Variants in SLC28A1 observed in about 807,000 individuals in gnomAD.
SLC28A1 encodes sodium/nucleoside cotransporter 1.
In SLC28A1, 64 loss-of-function variants were observed where a neutral mutation model predicts 74.8. That is an observed-to-expected ratio of 0.86 (90% CI 0.70 to 1.05). SLC28A1 has a LOEUF of 1.05. Among genes scored for constraint, SLC28A1 ranks in the 50% least tolerant of loss-of-function variants. The pLI, the probability that SLC28A1 is intolerant of heterozygous loss-of-function variation, is 0.00. For missense variants in SLC28A1, 828 were observed against 822.8 expected, an observed-to-expected ratio of 1.01 and a Z score of -0.08; for synonymous variants, 359 against 335.0, an observed-to-expected ratio of 1.07 and a Z score of -0.78.
rs17222239 is a variant in SLC28A1 at position 84,895,143 on chromosome 15, C to T, written c.461+20C>T. The T allele has an allele frequency of 7.0e-3, 11,333 of 1,613,246 alleles. 339 individuals are homozygous for T. The African/African-American group carries it at 0.088, about 13-fold the overall frequency. On this transcript the variant is annotated intron_variant, in intron 6 of 18. Transcript: ENST00000394573. ...TAAGAGGTGAGTGAGCTCACAGCCC[C>T]GAGGCAGGGCAGGGGAGGGCCCATG...
chr15:84,885,046 C>T (rs528873130), intron 1 of SLC28A1, among the ~76,000 whole-genome samples: 123 of 152,244 alleles, frequency 8.1e-4, no homozygotes, highest in African/African-American at 2.6e-3. Flanking sequence ...GCAGCCTCCA[C>T]CTCTCGGGTT....
At chr15:84,901,871 G>T (rs1432310354) in intron 6 of SLC28A1, among the ~76,000 whole-genome samples, 1 of 152,162 alleles carries the variant, frequency 6.6e-6, no homozygotes, top group East Asian at 1.9e-4. Flanking sequence ...AGAAATAAAA[G>T]CATATATCCA....
the SLC28A1 span, chr15:84,975,511 C>CAA: frequency 2.2e-6 from 1 of 456,140 alleles, no homozygotes; most frequent in South Asian, 1.5e-5. Flanking sequence ...TTAGGATATT[C>CAA]AAAAGTACAC....
In SLC28A1 at chr15:84,935,308, G is replaced by A. The variant is rs147242035; in HGVS notation, c.1384-13G>A. 1.5e-5 allele frequency: 25 copies of A among 1,614,118 alleles called. No homozygotes were observed. The highest frequency in any genetic ancestry group is 7.7e-5 in the South Asian group (7 of 91,078). On this transcript the variant is annotated splice_polypyrimidine_tract_variant and intron_variant, in intron 14 of 18. Transcript: ENST00000394573. The stretch of plus-strand genomic sequence containing the variant: ...CCCAGCCCTCGGTGCCAGCCATACC[G>A]TTGTGCCCTCAGCTCATCTGCTCCT...
At chr15:84,963,841 C>G in the SLC28A1 span, among the ~76,000 whole-genome samples, 2 of 152,210 alleles carry the variant, frequency 1.3e-5, no homozygotes, top group African/African-American at 4.8e-5. Context: ...TATTTCACCT[C>G]TAGCCATTTC....
Position 84,945,243 on chromosome 15 carries a change from TC to T in SLC28A1, c.*48del. 1 of 1,576,746 alleles carries T rather than the reference TC, an allele frequency of 6.3e-7. No homozygotes were observed. The highest frequency in any genetic ancestry group is 8.7e-7 in the Non-Finnish European group (1 of 1,146,284). Reference sequence around the variant, plus strand: ...GCTTCTGCGCTTCTGAGGGCTGTTCTCCCCCGGGAACCATCTGTCCCCACCT... The same window carrying T: ...GCTTCTGCGCTTCTGAGGGCTGTTCTCCCCGGGAACCATCTGTCCCCACCT... On this transcript the variant is annotated 3_prime_UTR_variant, in exon 19 of 19. Coordinates refer to ENST00000394573, the MANE Select transcript of SLC28A1 (RefSeq NM_004213.5).
the SLC28A1 span, among the ~76,000 whole-genome samples, chr15:84,960,038 G>C: frequency 6.6e-6 from 1 of 151,972 alleles, no homozygotes; most frequent in Non-Finnish European, 1.5e-5. Flanking sequence ...CTATTTTCTG[G>C]GGTCATGATA....
chr15:84,923,769 G>A (rs1233435353), intron 11 of SLC28A1, among the ~76,000 whole-genome samples: 1 of 152,140 alleles, frequency 6.6e-6, no homozygotes, highest in Non-Finnish European at 1.5e-5. Flanking sequence ...TCAACACAGG[G>A]GAGCATTGTC....
In SLC28A1 at chr15:84,941,211, G is replaced by GT. The variant is rs1163683292; in HGVS notation, c.1582-2222dup. ...TCACTTGACCCAGCATTTGGGATTTGTTTTTTTTTTTTGAGACGGAGTCTC... is the reference window on the plus strand; with the variant it reads ...TCACTTGACCCAGCATTTGGGATTTGTTTTTTTTTTTTTGAGACGGAGTCTC... On this transcript the variant is annotated intron_variant, in intron 15 of 18. Coordinates refer to ENST00000394573, the MANE Select transcript of SLC28A1 (RefSeq NM_004213.5). 8.3e-3 allele frequency: 1,194 copies of GT among 144,694 alleles called. 11 individuals carry two copies. Among genetic ancestry groups the GT allele is most frequent in the African/African-American group, 0.024 (953 of 39,730 alleles). 9.0% of individuals were successfully genotyped at this position (144,694 alleles called of 1,614,324 possible).
At chr15:84,910,518 T>C (rs960049282) in intron 9 of SLC28A1, among the ~76,000 whole-genome samples, 26 of 152,076 alleles carry the variant, frequency 1.7e-4, no homozygotes, top group Middle Eastern at 3.4e-3. Flanking sequence ...CACTTGAGGT[T>C]GGGAGTTTGA....
chr15:84,944,361 G>A (rs559658956), intron 16 of SLC28A1, among the ~76,000 whole-genome samples: 44 of 152,354 alleles, frequency 2.9e-4, no homozygotes, highest in Admixed American at 1.4e-3. Flanking sequence ...ATGGTGTGTA[G>A]GGAGATGTGG....
chr15:84,929,105 A>G (rs1970985071), intron 12 of SLC28A1, among the ~76,000 whole-genome samples: 1 of 152,226 alleles, frequency 6.6e-6, no homozygotes, highest in African/African-American at 2.4e-5. Flanking sequence ...AACTTTTAAG[A>G]TGTTTTATTA....
intron 15 of SLC28A1, among the ~76,000 whole-genome samples, chr15:84,938,062 T>C (rs1428917239): frequency 1.3e-5 from 2 of 151,920 alleles, no homozygotes; most frequent in Non-Finnish European, 2.9e-5. Context: ...TAGCCAGGTG[T>C]GGTGGCAGGC....
chr15:84,939,633 T>G (rs999867712), intron 15 of SLC28A1: 2 of 152,204 alleles, frequency 1.3e-5, no homozygotes, highest in African/African-American at 4.8e-5. Context: ...GTAGAACGCT[T>G]CATGAATTTG....
Position 84,945,484 on chromosome 15 carries a change from A to T in SLC28A1, c.*284A>T. On this transcript the variant is annotated 3_prime_UTR_variant, in exon 19 of 19. Coordinates refer to ENST00000394573, the MANE Select transcript of SLC28A1 (RefSeq NM_004213.5). Reference sequence around the variant, plus strand: ...CTGCCTCCTCCCGTTTCCCCTCCACATCCAAACAGCACCCTGGTCCTCTCT... The same window carrying T: ...CTGCCTCCTCCCGTTTCCCCTCCACTTCCAAACAGCACCCTGGTCCTCTCT... The T allele has an allele frequency of 2.3e-6, 1 of 435,238 alleles. No homozygotes were observed. Among genetic ancestry groups the T allele is most frequent in the South Asian group, 2.0e-5 (1 of 49,194 alleles). 27.0% of individuals were successfully genotyped at this position (435,238 alleles called of 1,614,324 possible). A position where few individuals can be genotyped will look rare whatever the true frequency, so the allele number is the denominator to read the frequency against.
At chr15:84,922,108 T>G (rs1969897371) in intron 11 of SLC28A1, among the ~76,000 whole-genome samples, 1 of 152,128 alleles carries the variant, frequency 6.6e-6, no homozygotes, top group Admixed American at 6.5e-5. Flanking sequence ...TTTGAACCTC[T>G]CTACTTGTGG....
chr15:84,924,251 C>T (rs1970213720), intron 12 of SLC28A1, 141 bp downstream of exon 12: 2 of 1,052,662 alleles, frequency 1.9e-6, no homozygotes. Context: ...GTGGCTTCCC[C>T]TGAGCCCAGT....
intron 12 of SLC28A1, among the ~76,000 whole-genome samples, chr15:84,930,427 GC>G (rs2141984279): frequency 6.6e-6 from 1 of 152,302 alleles, no homozygotes; most frequent in African/African-American, 2.4e-5. Context: ...TCAGGCTGCT[GC>G]CAATTCTTGT....
At chr15:84,921,281 C>A (rs1969803250) in intron 11 of SLC28A1, among the ~76,000 whole-genome samples, 1 of 152,154 alleles carries the variant, frequency 6.6e-6, no homozygotes, top group African/African-American at 2.4e-5. Flanking sequence ...TCTCTTACCA[C>A]TCTAGCCCTA....
Sources: allele counts gnomAD v4.1 joint callset (sites outside exome capture counted in the v4.1 genomes callset), GRCh38; gene constraint gnomAD v4.1.1; transcripts MANE v1.5; gene names NCBI Gene and HGNC (gene_info 2026-07-23, HGNC 2026-07-21).